Variants in GPC3 observed in about 807,000 individuals in gnomAD.
GPC3 encodes the protein glypican 3.
In GPC3, 3 loss-of-function variants were observed where a neutral mutation model predicts 34.4. The ratio of observed to expected loss-of-function variants is 0.09; its 90% CI spans 0.04 to 0.23. The LOEUF (loss-of-function observed/expected upper bound fraction) is 0.23, where lower values mean the gene tolerates loss of function less well. Ranked by LOEUF, GPC3 falls within the 10% of genes least tolerant of loss-of-function variation. The pLI is 1.00. For missense variants in GPC3, 351 were observed against 445.6 expected (o/e 0.79, Z 1.91); for synonymous variants, 177 against 174.0 (o/e 1.02, Z -0.13).
At chrX:133,842,940 A>G (rs1227671385) in intron 2 of GPC3, among the ~76,000 whole-genome samples, 1 of 111,320 alleles carries the variant, frequency 9.0e-6, no homozygotes, top group Non-Finnish European at 1.9e-5. Context: ...AGTATAGGCC[A>G]AAAAAGACAT....
intron 6 of GPC3, among the ~76,000 whole-genome samples, chrX:133,632,529 G>A (rs1007607778): frequency 8.9e-6 from 1 of 111,836 alleles, no homozygotes; most frequent in Non-Finnish European, 1.9e-5. Flanking sequence ...ATGAACATAT[G>A]TAATTTTAAA....
At chrX:133,805,543 A>G (rs2075631757) in intron 2 of GPC3, among the ~76,000 whole-genome samples, 1 of 112,297 alleles carries the variant, frequency 8.9e-6, no homozygotes. Flanking sequence ...ACTGAATTAC[A>G]ACATGACAAT....
At chrX:133,735,852 A>G (rs1178926169) in intron 3 of GPC3, among the ~76,000 whole-genome samples, 1 of 108,925 alleles carries the variant, frequency 9.2e-6, no homozygotes, top group African/African-American at 3.4e-5. Context: ...AGTCCCAGCT[A>G]CTTGGGAGAC....
At chrX:133,716,902 G>C (rs1363399815) in intron 3 of GPC3, among the ~76,000 whole-genome samples, 1 of 111,888 alleles carries the variant, frequency 8.9e-6, no homozygotes, top group Admixed American at 9.5e-5. Flanking sequence ...AGCAGCAAGA[G>C]AGAAGTAATT....
chrX:133,858,399 A>G lies in GPC3; in HGVS notation c.337+94651T>C, dbSNP rs202054205. The stretch of plus-strand genomic sequence containing the variant: ...GAGTAATAAGAAAAACAGCTTGTCT[A>G]GCAGTATCCTGGCTGGATTTCAGCT... On this transcript the variant is annotated intron_variant, in intron 2 of 7. Coordinates refer to ENST00000370818, the MANE Select transcript of GPC3 (RefSeq NM_004484.4). 8.9e-5 allele frequency among the ~76,000 whole-genome samples: 10 copies of G among 112,264 alleles called. No individual in the cohort carries two copies. The East Asian group carries it at 2.8e-3, about 32-fold the overall frequency.
chrX:133,688,667 A>T (rs2071032623), intron 5 of GPC3, among the ~76,000 whole-genome samples: 1 of 111,436 alleles, frequency 9.0e-6, no homozygotes, highest in Admixed American at 9.6e-5. Flanking sequence ...CTTGATTTTC[A>T]TAATTTTTCT....
At chrX:133,855,992 T>C (rs905421286) in intron 2 of GPC3, among the ~76,000 whole-genome samples, 12 of 112,041 alleles carry the variant, frequency 1.1e-4, no homozygotes, top group African/African-American at 3.9e-4. Flanking sequence ...TATTCCATCA[T>C]ACACACACAA....
At chrX:133,678,497 T>C (rs1447596479) in intron 5 of GPC3, among the ~76,000 whole-genome samples, 1 of 111,738 alleles carries the variant, frequency 8.9e-6, no homozygotes, top group Non-Finnish European at 1.9e-5. Flanking sequence ...GTAAGAGTCA[T>C]AGGTACCAAT....
At position 133,604,242 on chromosome X, in the gene GPC3, CAT is replaced by C. The variant is rs201417533; in HGVS notation, c.1414-7645_1414-7644del. On this transcript the variant is annotated intron_variant, in intron 6 of 7. Coordinates refer to ENST00000370818, the MANE Select transcript of GPC3 (RefSeq NM_004484.4). ...CAGGTCCAGAACTCTTCAAAAGAAACATGTGTCTTAGGTAAAGACATCAACGA... is the reference window on the plus strand; with the variant it reads ...CAGGTCCAGAACTCTTCAAAAGAAACGTGTCTTAGGTAAAGACATCAACGA... Among the ~76,000 whole-genome samples the C allele has an allele frequency of 8.4e-3, 946 of 112,011 alleles. 1 individual carries two copies. Among genetic ancestry groups the C allele is most frequent in the Middle Eastern group, 0.056 (12 of 213 alleles).
intron 6 of GPC3, among the ~76,000 whole-genome samples, chrX:133,631,805 G>A (rs1223720507): frequency 9.1e-6 from 1 of 109,827 alleles, no homozygotes; most frequent in Non-Finnish European, 1.9e-5. Context: ...TTTTTTTATA[G>A]TAGCCATTCT....
At chrX:133,732,906 A>T (rs1291028987) in intron 3 of GPC3, among the ~76,000 whole-genome samples, 1 of 110,710 alleles carries the variant, frequency 9.0e-6, no homozygotes, top group Non-Finnish European at 1.9e-5. Flanking sequence ...TCACTCTGTC[A>T]CCCAGGCTGC....
At chrX:133,882,358 A>G (rs2076045523) in intron 2 of GPC3, among the ~76,000 whole-genome samples, 1 of 111,557 alleles carries the variant, frequency 9.0e-6, no homozygotes, top group African/African-American at 3.3e-5. Flanking sequence ...CTGCTGAGCA[A>G]ATGGCCCTTA....
At chrX:133,962,159 TC>T (rs1339405672) in intron 1 of GPC3, among the ~76,000 whole-genome samples, 1 of 111,983 alleles carries the variant, frequency 8.9e-6, no homozygotes, top group Non-Finnish European at 1.9e-5. Context: ...TGGACTGGAT[TC>T]CCATGGGAAA....
chrX:133,725,862 C>G (rs770305575), intron 3 of GPC3, among the ~76,000 whole-genome samples: 2 of 111,605 alleles, frequency 1.8e-5, no homozygotes, highest in African/African-American at 3.3e-5. Context: ...CACTAGAAGT[C>G]CAATAGAGTC....
chrX:133,555,374 T>C (rs184784228), intron 7 of GPC3, among the ~76,000 whole-genome samples: 111 of 112,961 alleles, frequency 9.8e-4, no homozygotes, highest in African/African-American at 3.4e-3. Context: ...CCTTCCACTC[T>C]TCTCATCTTA....
intron 2 of GPC3, among the ~76,000 whole-genome samples, chrX:133,828,980 A>G (rs1208612840): frequency 8.9e-6 from 1 of 112,057 alleles, no homozygotes; most frequent in Non-Finnish European, 1.9e-5. Flanking sequence ...TCAATTAAAA[A>G]TATAAATAAA....
At chrX:133,857,565 G>C (rs1446327484) in intron 2 of GPC3, among the ~76,000 whole-genome samples, 1 of 111,544 alleles carries the variant, frequency 9.0e-6, no homozygotes, top group Non-Finnish European at 1.9e-5. Flanking sequence ...GTATGATTTG[G>C]GGTAAATCAC....
chrX:133,958,869 G>A (rs1387337257), intron 1 of GPC3, among the ~76,000 whole-genome samples: 3 of 102,032 alleles, frequency 2.9e-5, no homozygotes, highest in African/African-American at 1.1e-4. Flanking sequence ...CTGGGAGACA[G>A]AGTGAGACTT....
rs1260760981 is a variant in GPC3 at position 133,575,251 on chromosome X, T to A, written c.1573+21189A>T. Among the ~76,000 whole-genome samples, 3 of 112,152 alleles carry A rather than the reference T, an allele frequency of 2.7e-5. 1 individual carries two copies. In the Admixed American group the frequency reaches 2.8e-4, roughly 11 times the overall value. Reference sequence around the variant, plus strand: ...GTGGTAACACTCACTTAGACCAACGTCAGCATAGAGAAAACAATTAGCAGT... The same window carrying A: ...GTGGTAACACTCACTTAGACCAACGACAGCATAGAGAAAACAATTAGCAGT... On this transcript the variant is annotated intron_variant, in intron 7 of 7. Coordinates refer to ENST00000370818, the MANE Select transcript of GPC3 (RefSeq NM_004484.4).
Sources: allele counts gnomAD v4.1 joint callset (sites outside exome capture counted in the v4.1 genomes callset), GRCh38; gene constraint gnomAD v4.1.1; transcripts MANE v1.5; gene names NCBI Gene and HGNC (gene_info 2026-07-23, HGNC 2026-07-21).